Variants in RMDN1 observed in about 807,000 individuals in gnomAD.
RMDN1 encodes regulator of microtubule dynamics protein 1.
Under a neutral mutation model 48.9 loss-of-function variants are expected in RMDN1, and 48 were observed. That is an observed-to-expected ratio of 0.98 (90% CI 0.78 to 1.25). The LOEUF is 1.25. Ranked by LOEUF, RMDN1 falls within the 50% of genes most tolerant of loss-of-function variation. The pLI, the probability that RMDN1 is intolerant of heterozygous loss-of-function variation, is 0.00. For synonymous variants in RMDN1, 148 were observed against 132.6 expected (o/e 1.12, Z -0.80); for missense variants, 418 against 373.4 (o/e 1.12, Z -0.98).
At position 86,495,443 on chromosome 8, in the gene RMDN1, G is replaced by A. The variant is rs188445726; in HGVS notation, c.248-6804C>T. ...GTGGAGAACAGAGGGTTTAGCATGGGAACAGCTACAGTGCAGCATTGCCAT... is the reference window on the plus strand; with the variant it reads ...GTGGAGAACAGAGGGTTTAGCATGGAAACAGCTACAGTGCAGCATTGCCAT... On this transcript the variant is annotated intron_variant, in intron 2 of 9. Transcript: ENST00000406452. Among the ~76,000 whole-genome samples, 215 of 152,174 alleles carry A rather than the reference G, an allele frequency of 1.4e-3. 2 individuals are homozygous for A. The highest frequency in any genetic ancestry group is 9.9e-4 in the Non-Finnish European group (67 of 67,988).
At chr8:86,503,953 G>GT (rs1554594464) in intron 2 of RMDN1, 6 of 758,420 alleles carry the variant, frequency 7.9e-6, no homozygotes, top group Non-Finnish European at 1.2e-5. Context: ...GGGCTGCTTG[G>GT]TTATTGGCCT....
At chr8:86,514,224 G>A in intron 1 of RMDN1, 1 of 981,132 alleles carries the variant, frequency 1.0e-6, no homozygotes, top group Non-Finnish European at 1.2e-6. Context: ...ATTTATTTTG[G>A]TGCACCAAAC....
At chr8:86,503,949 C>A (rs72690429) in intron 2 of RMDN1, 45,230 of 753,006 alleles carry the variant, frequency 0.06, 1,847 homozygotes, top group Non-Finnish European at 0.084. Context: ...CCCTGGGCTG[C>A]TTGGTTATTG....
chr8:86,473,738 C>T lies in RMDN1; in HGVS notation c.*570G>A, dbSNP rs772095129. On this transcript the variant is annotated 3_prime_UTR_variant, in exon 10 of 10. Coordinates refer to ENST00000406452, the MANE Select transcript of RMDN1 (RefSeq NM_016033.3). ...CCGAGATTGTGCCACTGCACACCAG[C>T]CTGGGAAACAAAGTGAGACTCTGTC... is the stretch of plus-strand genomic sequence containing the variant. 1.3e-5 allele frequency: 11 copies of T among 842,196 alleles called. No homozygotes were observed. Among genetic ancestry groups the T allele is most frequent in the Non-Finnish European group, 1.6e-5 (11 of 699,508 alleles). 52.2% of individuals were successfully genotyped at this position (842,196 alleles called of 1,614,324 possible). A position where few individuals can be genotyped will look rare whatever the true frequency, so the allele number is the denominator to read the frequency against.
At chr8:86,493,610 A>G (rs1347601277) in intron 2 of RMDN1, among the ~76,000 whole-genome samples, 1 of 152,198 alleles carries the variant, frequency 6.6e-6, no homozygotes, top group Non-Finnish European at 1.5e-5. Flanking sequence ...AGACAAATAT[A>G]GGTTGAACAT....
In RMDN1 at chr8:86,472,482, A is replaced by C. The variant is rs1001101017; in HGVS notation, c.*1826T>G. 260 of 702,450 alleles carry C rather than the reference A, an allele frequency of 3.7e-4. 4 individuals are homozygous for C. The Admixed American group carries it at 5.1e-3, about 14-fold the overall frequency. The allele number at this position is 702,450 out of a possible 1,614,324, so 43.5% of individuals were successfully genotyped here. ...CAGCTGCTTCTGTTTCTCTTCACCT[A>C]CAAAAATAAAATTACAGTATACAAT... On this transcript the variant is annotated 3_prime_UTR_variant, in exon 10 of 10. Coordinates refer to ENST00000406452, the MANE Select transcript of RMDN1 (RefSeq NM_016033.3).
intron 2 of RMDN1, among the ~76,000 whole-genome samples, chr8:86,491,719 A>C (rs928812370): frequency 6.6e-6 from 1 of 152,194 alleles, no homozygotes; most frequent in Non-Finnish European, 1.5e-5. Context: ...ATGTAACCTA[A>C]AATAGATATG....
chr8:86,503,415 G>A (rs1215183219), intron 2 of RMDN1, among the ~76,000 whole-genome samples: 1 of 127,672 alleles, frequency 7.8e-6, no homozygotes, highest in Non-Finnish European at 1.8e-5. Flanking sequence ...AAAATAACTT[G>A]AGAGATGCTG....
Position 86,473,632 on chromosome 8 carries a change from G to T in RMDN1, c.*676C>A. ...AATACAAAAGTTAGCCGAGTGTGGTGGTACAACCCTGTAATCCCAGCCACT... is the reference window on the plus strand; with the variant it reads ...AATACAAAAGTTAGCCGAGTGTGGTTGTACAACCCTGTAATCCCAGCCACT... On this transcript the variant is annotated 3_prime_UTR_variant, in exon 10 of 10. Coordinates refer to ENST00000406452, the MANE Select transcript of RMDN1 (RefSeq NM_016033.3). The T allele has an allele frequency of 2.8e-6, 1 of 352,680 alleles. No individual in the cohort carries two copies. Among genetic ancestry groups the T allele is most frequent in the Non-Finnish European group, 4.0e-6 (1 of 251,808 alleles). The allele number at this position is 352,680 out of a possible 1,614,324, so 21.8% of individuals were successfully genotyped here.
intron 5 of RMDN1, chr8:86,482,799 A>G: frequency 2.1e-6 from 2 of 956,710 alleles, no homozygotes; most frequent in Admixed American, 3.4e-5. Context: ...CATTATCAGA[A>G]CCCAAAATGG....
chr8:86,505,236 G>T, intron 2 of RMDN1: 1 of 567,686 alleles, frequency 1.8e-6, no homozygotes. Flanking sequence ...GATTTTCAAT[G>T]GTTTTTTAAA....
chr8:86,488,609 A>G lies in RMDN1; in HGVS notation c.278T>C (p.Leu93Pro), dbSNP rs761909255. ...TTTTTCTGTTTCTCCGCTTTCATAC[A>G]GGTAGTCTGCTTGTTCAAGTATTTC... ...VEEILEQADY[L>P]YESGETEKLY... Residue 93 changes from leucine to proline, a missense_variant, in exon 3 of 10, where the codon CTG (leucine) becomes CCG (proline). Leu to Pro is a moderately conservative substitution (Grantham distance 98). Coordinates refer to ENST00000406452, the MANE Select transcript of RMDN1 (RefSeq NM_016033.3). 5 of 1,610,624 alleles carry G rather than the reference A, an allele frequency of 3.1e-6. No individual in the cohort carries two copies. Among genetic ancestry groups the G allele is most frequent in the Non-Finnish European group, 4.2e-6 (5 of 1,178,428 alleles).
rs907327588 is a variant in RMDN1 at position 86,507,240 on chromosome 8, T to C, written c.130-128A>G. 3.2e-5 allele frequency: 19 copies of C among 593,320 alleles called. No homozygotes were observed. The Admixed American group carries it at 3.7e-4, about 11-fold the overall frequency. The allele number at this position is 593,320 out of a possible 1,614,324, so 36.8% of individuals were successfully genotyped here. ...GATCATAATACTGGAAGCTTAAAAA[T>C]TACTTCATCAAAATCTTTAGTAAAA... On this transcript the variant is annotated intron_variant, in intron 1 of 9. Transcript: ENST00000406452.
intron 8 of RMDN1, among the ~76,000 whole-genome samples, chr8:86,475,979 A>C (rs1437068367): frequency 6.6e-6 from 1 of 152,214 alleles, no homozygotes; most frequent in Non-Finnish European, 1.5e-5. Flanking sequence ...GTACAGTCTT[A>C]CACATGTAAA....
intron 2 of RMDN1, among the ~76,000 whole-genome samples, chr8:86,497,319 T>G (rs1408055013): frequency 6.6e-6 from 1 of 152,116 alleles, no homozygotes; most frequent in Non-Finnish European, 1.5e-5. Flanking sequence ...AATTGAGATG[T>G]GAAAGCCATA....
chr8:86,508,424 T>G, intron 1 of RMDN1, 68 bp downstream of exon 1: 1 of 1,468,798 alleles, frequency 6.8e-7, no homozygotes, highest in Non-Finnish European at 9.1e-7. Flanking sequence ...CGCCACCACT[T>G]AAGTTAAGGG....
At chr8:86,481,242 A>G (rs112159600) in intron 5 of RMDN1, among the ~76,000 whole-genome samples, 25 of 152,290 alleles carry the variant, frequency 1.6e-4, no homozygotes, top group African/African-American at 6.0e-4. Context: ...ATGACCTTGA[A>G]CTGGTTGCAA....
At position 86,504,619 on chromosome 8, in the gene RMDN1, T is replaced by A. The variant is rs1818979450; in HGVS notation, c.247+2376A>T. The A allele has an allele frequency of 3.3e-6, 3 of 921,984 alleles. No homozygotes were observed. In the East Asian group the frequency reaches 7.2e-5, roughly 22 times the overall value. 57.1% of individuals were successfully genotyped at this position (921,984 alleles called of 1,614,324 possible). A position where few individuals can be genotyped will look rare whatever the true frequency, so the allele number is the denominator to read the frequency against. On this transcript the variant is annotated intron_variant, in intron 2 of 9. Coordinates refer to ENST00000406452, the MANE Select transcript of RMDN1 (RefSeq NM_016033.3). ...AGGCCTTGGAGGGATGGCTTTTTGT[T>A]CCATGCTCATGACTGTTTGTTATTA...
intron 2 of RMDN1, chr8:86,505,181 C>A: frequency 2.0e-6 from 2 of 999,854 alleles, no homozygotes; most frequent in South Asian, 3.0e-5. Context: ...TGATTCCTTT[C>A]TTATCCCACG....
Sources: allele counts gnomAD v4.1 joint callset (sites outside exome capture counted in the v4.1 genomes callset), GRCh38; gene constraint gnomAD v4.1.1; transcripts MANE v1.5; gene names NCBI Gene and HGNC (gene_info 2026-07-23, HGNC 2026-07-21).